The following DOCK10 variants were observed in gnomAD, a reference collection of about 807,000 sequenced individuals.
DOCK10 encodes the protein dedicator of cytokinesis protein 10.
Under a neutral mutation model 280.1 loss-of-function variants are expected in DOCK10, and 145 were observed. That is an observed-to-expected ratio of 0.52 (90% CI 0.45 to 0.59). DOCK10 has a LOEUF of 0.59. Ranked by LOEUF, DOCK10 falls within the 20% of genes least tolerant of loss-of-function variation. DOCK10 has a pLI of 0.00. For synonymous variants in DOCK10, 915 were observed against 942.2 expected (o/e 0.97, Z 0.53); for missense variants, 2,368 against 2,651.7 (o/e 0.89, Z 2.35).
chr2:224,937,123 A>G (rs544568587), intron 1 of DOCK10, among the ~76,000 whole-genome samples: 1 of 152,188 alleles, frequency 6.6e-6, no homozygotes, highest in Non-Finnish European at 1.5e-5. Flanking sequence ...TCACCTCTGT[A>G]GGGAACCATC....
chr2:224,965,152 T>C (rs1422795048), intron 1 of DOCK10, among the ~76,000 whole-genome samples: 1 of 152,240 alleles, frequency 6.6e-6, no homozygotes, highest in East Asian at 1.9e-4. Context: ...GGCACATTTT[T>C]CCAAAAACAT....
At position 225,016,583 on chromosome 2, in the gene DOCK10, A is replaced by G. The variant is rs192799215; in HGVS notation, c.123+25669T>C. On this transcript the variant is annotated intron_variant, in intron 1 of 55. Transcript: ENST00000258390. Reference sequence around the variant, plus strand: ...TACATATATCTATGTGCACATAGATACATATATCTATGTGCACATAGATAC... The same window carrying G: ...TACATATATCTATGTGCACATAGATGCATATATCTATGTGCACATAGATAC... 9.2e-4 allele frequency among the ~76,000 whole-genome samples: 126 copies of G among 137,240 alleles called. 2 individuals carry two copies. Among genetic ancestry groups the G allele is most frequent in the African/African-American group, 3.1e-3 (115 of 36,860 alleles). The allele number at this position is 137,240 out of a possible 152,430, so 90.0% of individuals were successfully genotyped here. A position where few individuals can be genotyped will look rare whatever the true frequency, so the allele number is the denominator to read the frequency against.
intron 50 of DOCK10, among the ~76,000 whole-genome samples, chr2:224,781,649 G>T (rs991992079): frequency 6.6e-6 from 1 of 152,178 alleles, no homozygotes; most frequent in African/African-American, 2.4e-5. Context: ...TCAAGGCAAT[G>T]GGAAATGTGA....
chr2:224,852,452 C>A lies in DOCK10; in HGVS notation c.2077-10G>T. 6.5e-7 allele frequency: 1 copy of A among 1,547,484 alleles called. No individual in the cohort carries two copies. Among genetic ancestry groups the A allele is most frequent in the Admixed American group, 2.0e-5 (1 of 50,500 alleles). On this transcript the variant is annotated splice_polypyrimidine_tract_variant and intron_variant, in intron 17 of 55. Coordinates refer to ENST00000258390, the MANE Select transcript of DOCK10 (RefSeq NM_014689.3). The stretch of plus-strand genomic sequence containing the variant: ...CAGTTATATTCCGTGCCTGAAATTA[C>A]GGAGAGAAAAAATGGAAATTGTAAT...
chr2:225,035,544 A>ATTTATATATATATATATATATATAT (rs1690204073), intron 1 of DOCK10, among the ~76,000 whole-genome samples: 1 of 7,612 alleles, frequency 1.3e-4, no homozygotes, highest in Non-Finnish European at 2.9e-4. Flanking sequence ...GATATATATT[A>ATTTATATATATATATATATATATAT]TATATATATA....
intron 29 of DOCK10, 39 bp downstream of exon 29, chr2:224,819,407 A>G (rs1430776340): frequency 4.5e-6 from 6 of 1,331,288 alleles, no homozygotes; most frequent in Non-Finnish European, 4.2e-6. Context: ...TTACAATGCC[A>G]TAGTTTAGAA....
At chr2:224,892,177 G>A (rs143918324) in intron 4 of DOCK10, among the ~76,000 whole-genome samples, 7 of 151,818 alleles carry the variant, frequency 4.6e-5, no homozygotes, top group Non-Finnish European at 1.0e-4. Context: ...CTGGTGGATC[G>A]CTTGAGGTCA....
chr2:224,947,943 T>TAAA (rs1703521556), intron 1 of DOCK10, among the ~76,000 whole-genome samples: 1 of 152,190 alleles, frequency 6.6e-6, no homozygotes, highest in Admixed American at 6.5e-5. Context: ...AAATTAGGGA[T>TAAA]TTACATTTAT....
chr2:224,845,584 T>TA lies in DOCK10; in HGVS notation c.2293dup (p.Tyr765LeufsTer6), dbSNP rs1481685065. On this transcript the variant is annotated frameshift_variant, in exon 20 of 56. Coordinates refer to ENST00000258390, the MANE Select transcript of DOCK10 (RefSeq NM_014689.3). LOFTEE classifies it high-confidence loss of function. The stretch of plus-strand genomic sequence containing the variant: ...TGCATTGATGTCACAGGTGACGTGA[T>TA]AAAAAGAAAACAAAATATGGTGTTT... 1.2e-6 allele frequency: 2 copies of TA among 1,613,488 alleles called. No homozygotes were observed. The highest frequency in any genetic ancestry group is 1.7e-6 in the Non-Finnish European group (2 of 1,179,622).
At position 224,980,946 on chromosome 2, in the gene DOCK10, G is replaced by GT. The variant is rs948890945; in HGVS notation, c.124-49279dup. Reference sequence around the variant, plus strand: ...TTTCTCAGTTATTTTGAGGTATAAGGTTTTTTTTTGCAAATTTCTAGCTGT... The same window carrying GT: ...TTTCTCAGTTATTTTGAGGTATAAGGTTTTTTTTTTGCAAATTTCTAGCTGT... On this transcript the variant is annotated intron_variant, in intron 1 of 55. Coordinates refer to ENST00000258390, the MANE Select transcript of DOCK10 (RefSeq NM_014689.3). 5.6e-4 allele frequency among the ~76,000 whole-genome samples: 84 copies of GT among 150,944 alleles called. 1 individual carries two copies. The highest frequency in any genetic ancestry group is 7.8e-4 in the African/African-American group (32 of 41,144).
In DOCK10 at chr2:224,931,597, C is replaced by T; in HGVS notation, c.195G>A (p.Arg65=). 1.9e-6 allele frequency: 3 copies of T among 1,612,004 alleles called. 1 individual carries two copies. The South Asian group carries it at 3.3e-5, about 18-fold the overall frequency. The stretch of plus-strand genomic sequence containing the variant: ...ACAAGAGATCTTGAAGAGGATCATT[C>T]CGGTAGGTCTTTTCAAGTTCTTCAA... ...TVIEELEKTY[R]NDPLQDLLFF... The change falls in exon 2 of 56, where the codon CGG becomes CGA. Residue 65 remains arginine (R), a synonymous_variant. Coordinates refer to ENST00000258390, the MANE Select transcript of DOCK10 (RefSeq NM_014689.3).
chr2:224,796,224 C>A (rs981860574), intron 44 of DOCK10, 92 bp downstream of exon 44: 3 of 837,852 alleles, frequency 3.6e-6, no homozygotes, highest in East Asian at 2.7e-5. Flanking sequence ...CCACTGTACC[C>A]AATCTATTTT....
chr2:224,912,182 C>T (rs995916506), intron 3 of DOCK10, among the ~76,000 whole-genome samples: 5 of 151,078 alleles, frequency 3.3e-5, no homozygotes, highest in African/African-American at 1.2e-4. Context: ...CTCTTGTTGC[C>T]CAGGCTGGAA....
chr2:224,768,620 G>C (rs2124929873), intron 55 of DOCK10, among the ~76,000 whole-genome samples: 1 of 152,288 alleles, frequency 6.6e-6, no homozygotes, highest in Non-Finnish European at 1.5e-5. Context: ...AAACAAATCA[G>C]CTCAAATATA....
chr2:224,847,135 A>G (rs762166108), intron 19 of DOCK10, among the ~76,000 whole-genome samples: 2 of 152,214 alleles, frequency 1.3e-5, no homozygotes, highest in Non-Finnish European at 2.9e-5. Context: ...TAGGTAAACA[A>G]TATACTGAAT....
chr2:224,779,098 A>G (rs886888463), intron 50 of DOCK10, among the ~76,000 whole-genome samples: 3 of 152,208 alleles, frequency 2.0e-5, no homozygotes, highest in Admixed American at 6.5e-5. Flanking sequence ...GCAGATAACT[A>G]AGTGAAGCAA....
Position 224,787,345 on chromosome 2 carries a change from T to G in DOCK10, c.5471A>C (p.Glu1824Ala). The change falls in exon 49 of 56, where the codon GAG becomes GCG. Residue 1824 changes from glutamate (E) to alanine (A), a missense_variant. Coordinates refer to ENST00000258390, the MANE Select transcript of DOCK10 (RefSeq NM_014689.3). ...YMCVEFLWKS[E>A]RYELIADVNK... ...GACATCAGCAATGAGTTCATATCGC[T>G]CAGACTTCCAGAGAAACTCCACACA... is the stretch of plus-strand genomic sequence containing the variant. The G allele has an allele frequency of 6.2e-7, 1 of 1,613,980 alleles. No homozygotes were observed. The highest frequency in any genetic ancestry group is 8.5e-7 in the Non-Finnish European group (1 of 1,179,850).
chr2:224,774,601 C>T (rs1690695513), intron 52 of DOCK10, among the ~76,000 whole-genome samples: 1 of 152,216 alleles, frequency 6.6e-6, no homozygotes, highest in Non-Finnish European at 1.5e-5. Context: ...AAGGTAGACT[C>T]AGAGAGGAAA....
At chr2:224,819,596 A>T in intron 28 of DOCK10, 67 bp from the exon 29 acceptor site, 1 of 1,000,892 alleles carries the variant, frequency 1.0e-6, no homozygotes. Context: ...TTTAGAAAAT[A>T]TGATTAAATA....
Sources: allele counts gnomAD v4.1 joint callset (sites outside exome capture counted in the v4.1 genomes callset), GRCh38; gene constraint gnomAD v4.1.1; transcripts MANE v1.5; gene names NCBI Gene and HGNC (gene_info 2026-07-23, HGNC 2026-07-21).